Variants in VPS54 observed in about 807,000 individuals in gnomAD.
VPS54 encodes the protein VPS54 subunit of GARP complex, also known as vacuolar protein sorting-associated protein 54.
Under a neutral mutation model 121.5 loss-of-function variants are expected in VPS54, and 45 were observed. That is an observed-to-expected ratio of 0.37 (90% CI 0.29 to 0.47). The LOEUF is 0.47. Among genes scored for constraint, VPS54 ranks in the 20% least tolerant of loss-of-function variants. VPS54 has a pLI of 0.99. For synonymous variants in VPS54, 371 were observed against 385.8 expected (o/e 0.96, Z 0.45); for missense variants, 1,090 against 1,131.4 (o/e 0.96, Z 0.52).
intron 1 of VPS54, among the ~76,000 whole-genome samples, chr2:63,995,702 G>A (rs926435072): frequency 6.6e-6 from 1 of 152,226 alleles, no homozygotes; most frequent in African/African-American, 2.4e-5. Context: ...AGATCGGGTA[G>A]TGAGTCTCGA....
intron 20 of VPS54, among the ~76,000 whole-genome samples, chr2:63,909,074 A>G (rs925397059): frequency 3.3e-5 from 5 of 152,140 alleles, no homozygotes; most frequent in Admixed American, 6.5e-5. Context: ...CATTCATAAA[A>G]CTTTCCCAGA....
intron 1 of VPS54, among the ~76,000 whole-genome samples, chr2:64,009,940 C>G (rs907662556): frequency 6.6e-6 from 1 of 151,158 alleles, no homozygotes; most frequent in African/African-American, 2.4e-5. Flanking sequence ...CTTCTGGATT[C>G]AACTGATTCT....
At chr2:63,958,357 T>G (rs1193967178) in intron 7 of VPS54, among the ~76,000 whole-genome samples, 1 of 152,206 alleles carries the variant, frequency 6.6e-6, no homozygotes. Flanking sequence ...TATTTGCTAC[T>G]AATGACTAGA....
chr2:63,930,823 A>G (rs1480345048), intron 12 of VPS54, among the ~76,000 whole-genome samples: 1 of 152,234 alleles, frequency 6.6e-6, no homozygotes, highest in African/African-American at 2.4e-5. Context: ...AAGTCTCAGG[A>G]TACAAAATCA....
intron 1 of VPS54, among the ~76,000 whole-genome samples, chr2:63,995,390 G>A (rs1425950868): frequency 6.6e-6 from 1 of 152,142 alleles, no homozygotes; most frequent in Non-Finnish European, 1.5e-5. Flanking sequence ...TCTGGATTCC[G>A]GTAACTTTGC....
chr2:63,937,250 A>G lies in VPS54; in HGVS notation c.1399-3237T>C, dbSNP rs920618878. ...GAGAAAATATTTGTAAATCACGTATATGATAAAAGGTTAATATCCAGAATA... is the reference window on the plus strand; with the variant it reads ...GAGAAAATATTTGTAAATCACGTATGTGATAAAAGGTTAATATCCAGAATA... On this transcript the variant is annotated intron_variant, in intron 11 of 22. Transcript: ENST00000272322. Among the ~76,000 whole-genome samples, 27 of 152,074 alleles carry G rather than the reference A, an allele frequency of 1.8e-4. 1 individual carries two copies. The highest frequency in any genetic ancestry group is 1.6e-3 in the Admixed American group (25 of 15,254).
chr2:63,897,451 A>G (rs1485403630), intron 22 of VPS54, 45 bp downstream of exon 22: 8 of 1,317,202 alleles, frequency 6.1e-6, no homozygotes, highest in Non-Finnish European at 8.5e-6. Flanking sequence ...GATCATTAAA[A>G]CAATTCGATA....
chr2:64,013,839 T>C (rs1678561004), intron 1 of VPS54, among the ~76,000 whole-genome samples: 2 of 151,696 alleles, frequency 1.3e-5, no homozygotes, highest in Non-Finnish European at 1.5e-5. Flanking sequence ...AGCTGGGCCT[T>C]TGACCACCTC....
At chr2:63,972,813 G>C in intron 3 of VPS54, among the ~76,000 whole-genome samples, 1 of 151,942 alleles carries the variant, frequency 6.6e-6, no homozygotes, top group Non-Finnish European at 1.5e-5. Flanking sequence ...AGGAGGCAGA[G>C]GCTGCAGTGA....
chr2:63,980,029 T>C (rs1232833302), intron 3 of VPS54, among the ~76,000 whole-genome samples: 5 of 152,202 alleles, frequency 3.3e-5, no homozygotes, highest in Admixed American at 3.3e-4. Context: ...GCTGATATTC[T>C]GCTTGTCCTA....
chr2:63,962,092 G>A lies in VPS54; in HGVS notation c.976C>T (p.Leu326=). Residue 326 remains leucine, a synonymous_variant, in exon 7 of 23, where the codon CTA becomes TTA. Coordinates refer to ENST00000272322, the MANE Select transcript of VPS54 (RefSeq NM_016516.3). The part of the protein sequence containing the change: ...LDLIATTQEV[L]QQELQGIHSF... ...TGAATGCCCTGAAGTTCCTGCTGTA[G>A]AACCTCTTGTGTTGTTGCTATTAAG... is the stretch of plus-strand genomic sequence containing the variant. The A allele has an allele frequency of 6.3e-7, 1 of 1,589,426 alleles. No homozygotes were observed. Among genetic ancestry groups the A allele is most frequent in the Non-Finnish European group, 8.6e-7 (1 of 1,160,960 alleles).
intron 7 of VPS54, among the ~76,000 whole-genome samples, chr2:63,957,887 T>G (rs987305400): frequency 2.6e-5 from 4 of 152,174 alleles, no homozygotes; most frequent in African/African-American, 9.7e-5. Context: ...AGCCTTAACC[T>G]CTAGAAAGTC....
chr2:64,000,631 C>G (rs1677829053), intron 1 of VPS54, among the ~76,000 whole-genome samples: 1 of 152,258 alleles, frequency 6.6e-6, no homozygotes, highest in Non-Finnish European at 1.5e-5. Context: ...TTCTTGCAGA[C>G]TTGTAGAGGT....
At chr2:64,018,672 G>C (rs543263328) in intron 1 of VPS54, among the ~76,000 whole-genome samples, 40 of 150,562 alleles carry the variant, frequency 2.7e-4, no homozygotes, top group Non-Finnish European at 5.0e-4. Flanking sequence ...AGAGGGGCAA[G>C]AGCGGCGTTT....
At chr2:63,949,936 T>C (rs1675161411) in intron 7 of VPS54, among the ~76,000 whole-genome samples, 1 of 152,224 alleles carries the variant, frequency 6.6e-6, no homozygotes, top group Admixed American at 6.5e-5. Flanking sequence ...TGCTGCCAGA[T>C]TGTCTAATGT....
intron 7 of VPS54, among the ~76,000 whole-genome samples, chr2:63,957,834 A>G (rs183532017): frequency 6.6e-6 from 1 of 152,336 alleles, no homozygotes; most frequent in East Asian, 1.9e-4. Flanking sequence ...TATGGTGCAC[A>G]TTAGAATCTC....
intron 6 of VPS54, 43 bp from the exon 7 acceptor site, chr2:63,962,486 C>G: frequency 6.5e-7 from 1 of 1,536,800 alleles, no homozygotes; most frequent in Non-Finnish European, 8.7e-7. Context: ...TATGAGCATA[C>G]CTTCCTTGAT....
chr2:63,962,484 T>C (rs1675815617), intron 6 of VPS54, 41 bp from the exon 7 acceptor site: 1 of 1,540,092 alleles, frequency 6.5e-7, no homozygotes, highest in Non-Finnish European at 8.7e-7. Context: ...ACTATGAGCA[T>C]ACCTTCCTTG....
At chr2:64,018,628 G>GGAA (rs1162679489) in intron 1 of VPS54, among the ~76,000 whole-genome samples, 1 of 151,900 alleles carries the variant, frequency 6.6e-6, no homozygotes, top group Non-Finnish European at 1.5e-5. Flanking sequence ...AGGGGGTGAT[G>GGAA]GAAGTTCCAG....
Sources: allele counts gnomAD v4.1 joint callset (sites outside exome capture counted in the v4.1 genomes callset), GRCh38; gene constraint gnomAD v4.1.1; transcripts MANE v1.5; gene names NCBI Gene and HGNC (gene_info 2026-07-23, HGNC 2026-07-21).